The following ZHX3 variants were observed in gnomAD, a reference collection of about 807,000 sequenced individuals.
ZHX3 encodes zinc fingers and homeoboxes 3.
In ZHX3, 20 loss-of-function variants were observed where a neutral mutation model predicts 64.5. That is an observed-to-expected ratio of 0.31 (90% CI 0.22 to 0.45). ZHX3 has a LOEUF of 0.45. ZHX3 is among the 20% of genes least tolerant of loss of function. The pLI is 1.00. For synonymous variants in ZHX3, 423 were observed against 461.6 expected, an observed-to-expected ratio of 0.92 and a Z score of 1.07; for missense variants, 1,041 against 1,195.8, an observed-to-expected ratio of 0.87 and a Z score of 1.91.
intron 3 of ZHX3, among the ~76,000 whole-genome samples, chr20:41,194,750 G>GT (rs2037340770): frequency 6.6e-6 from 1 of 151,974 alleles, no homozygotes; most frequent in African/African-American, 2.4e-5. Context: ...ATATATTTTG[G>GT]TTTTTTATTT....
intron 2 of ZHX3, among the ~76,000 whole-genome samples, chr20:41,238,371 G>C (rs1162087645): frequency 6.6e-6 from 1 of 152,040 alleles, no homozygotes; most frequent in East Asian, 1.9e-4. Context: ...GGTAATAACA[G>C]AGACTAAGAG....
chr20:41,202,259 T>G lies in ZHX3; in HGVS notation c.2658A>C (p.Lys886Asn), dbSNP rs34229622. Residue 886 changes from lysine to asparagine, a missense_variant, in exon 3 of 4, where the codon AAA becomes AAC. By Grantham distance (94) the Lys-to-Asn change is moderately conservative (BLOSUM62 0). Around this residue, in one of 4 missense-constraint regions of ZHX3, gnomAD observed 649 missense variants for 739.8 expected, o/e 0.88. Coordinates refer to ENST00000683867, the MANE Select transcript of ZHX3 (RefSeq NM_001384317.1). This position sits in a 1 kb window ranked among gnomAD's most constrained non-coding sequence, Gnocchi z 7.0. ...SQQVKQWFAE[K>N]MGEETRAVAD... ...CCACGGCTCTGGTCTCCTCCCCCAT[T>G]TTCTCAGCAAACCACTGCTTGACCT... is the stretch of plus-strand genomic sequence containing the variant. 12 of 1,614,092 alleles carry G rather than the reference T, an allele frequency of 7.4e-6. No homozygotes were observed. The highest frequency in any genetic ancestry group is 1.0e-5 in the Non-Finnish European group (12 of 1,179,990).
chr20:41,270,969 G>A (rs538517515), intron 1 of ZHX3, among the ~76,000 whole-genome samples: 12 of 152,270 alleles, frequency 7.9e-5, no homozygotes, highest in Non-Finnish European at 1.3e-4. Context: ...TTGAGGCCAG[G>A]AGTTCAAGAC....
chr20:41,296,762 T>C (rs2044550619), intron 1 of ZHX3, among the ~76,000 whole-genome samples: 1 of 152,160 alleles, frequency 6.6e-6, no homozygotes, highest in Non-Finnish European at 1.5e-5. Context: ...CAGAAAGAGA[T>C]CGGGGGAGGA....
intron 2 of ZHX3, among the ~76,000 whole-genome samples, chr20:41,266,609 G>A (rs1439306725): frequency 2.0e-5 from 3 of 149,248 alleles, no homozygotes; most frequent in Non-Finnish European, 4.4e-5. Flanking sequence ...GCAGTGGTGC[G>A]ATCTCGGCTC....
chr20:41,180,346 G>C lies in ZHX3; in HGVS notation c.*4845C>G, dbSNP rs369778715. On this transcript the variant is annotated 3_prime_UTR_variant, in exon 4 of 4. Coordinates refer to ENST00000683867, the MANE Select transcript of ZHX3 (RefSeq NM_001384317.1). ...AAAGATAGAACTTTCAGAAATTGAG[G>C]AAGGGGGTGCTTTCCCCTGTCCTTG... 1 of 152,554 alleles carries C rather than the reference G, an allele frequency of 6.6e-6. No individual in the cohort carries two copies. The highest frequency in any genetic ancestry group is 1.5e-5 in the Non-Finnish European group (1 of 68,086). 9.5% of individuals were successfully genotyped at this position (152,554 alleles called of 1,614,324 possible). A position where few individuals can be genotyped will look rare whatever the true frequency, so the allele number is the denominator to read the frequency against.
chr20:41,187,582 C>T (rs112723499), intron 3 of ZHX3, among the ~76,000 whole-genome samples: 9 of 152,176 alleles, frequency 5.9e-5, no homozygotes, highest in African/African-American at 1.9e-4. Context: ...ATCAATTGAC[C>T]ATTACGTGGG....
chr20:41,275,816 G>A (rs1453474404), intron 1 of ZHX3, among the ~76,000 whole-genome samples: 1 of 152,178 alleles, frequency 6.6e-6, no homozygotes, highest in Non-Finnish European at 1.5e-5. Flanking sequence ...CTAACTGAAT[G>A]ACTGTACTTC....
chr20:41,198,692 G>A (rs1473939829), intron 3 of ZHX3, among the ~76,000 whole-genome samples: 2 of 150,286 alleles, frequency 1.3e-5, no homozygotes, highest in African/African-American at 4.9e-5. Flanking sequence ...CATCCTGCTT[G>A]GATTTTATTG....
At chr20:41,271,219 C>T (rs2043133030) in intron 1 of ZHX3, among the ~76,000 whole-genome samples, 1 of 152,142 alleles carries the variant, frequency 6.6e-6, no homozygotes, top group Non-Finnish European at 1.5e-5. Context: ...CGGGGTTTCA[C>T]CATGTTGGCC....
chr20:41,236,381 C>T (rs1214387059), intron 2 of ZHX3, among the ~76,000 whole-genome samples: 2 of 152,162 alleles, frequency 1.3e-5, no homozygotes, highest in Non-Finnish European at 2.9e-5. Context: ...TACTACAAGG[C>T]TACAGTAACC....
At chr20:41,207,111 G>T (rs2146260221) in intron 2 of ZHX3, among the ~76,000 whole-genome samples, 1 of 152,274 alleles carries the variant, frequency 6.6e-6, no homozygotes, top group East Asian at 1.9e-4. Context: ...GAGAGATTTT[G>T]TCACCACCAG....
At chr20:41,214,034 C>T (rs945469689) in intron 2 of ZHX3, 2 of 152,134 alleles carry the variant, frequency 1.3e-5, no homozygotes, top group Non-Finnish European at 2.9e-5. Flanking sequence ...AGGATCATGC[C>T]ACTGCACTCC....
At chr20:41,301,862 G>C (rs896508720) in intron 1 of ZHX3, among the ~76,000 whole-genome samples, 3 of 151,580 alleles carry the variant, frequency 2.0e-5, no homozygotes, top group Non-Finnish European at 2.9e-5. Context: ...AGACCATCCC[G>C]GCTAAAACGG....
intron 1 of ZHX3, among the ~76,000 whole-genome samples, chr20:41,270,173 C>G (rs1327277489): frequency 6.6e-6 from 1 of 151,032 alleles, no homozygotes; most frequent in Non-Finnish European, 1.5e-5. Context: ...GGGCGGATCA[C>G]GAAGTCAAGA....
chr20:41,304,656 A>AT (rs2044922441), intron 1 of ZHX3, among the ~76,000 whole-genome samples: 1 of 152,192 alleles, frequency 6.6e-6, no homozygotes, highest in Non-Finnish European at 1.5e-5. Flanking sequence ...TGGCTCACGC[A>AT]ATTGTAGGGC....
intron 1 of ZHX3, among the ~76,000 whole-genome samples, chr20:41,292,575 A>C (rs1163714950): frequency 2.0e-5 from 3 of 152,236 alleles, no homozygotes; most frequent in Admixed American, 2.0e-4. Context: ...GTGTTTCTAC[A>C]GAACTCACTT....
chr20:41,287,897 G>A (rs765176729), intron 1 of ZHX3, among the ~76,000 whole-genome samples: 1 of 152,176 alleles, frequency 6.6e-6, no homozygotes, highest in Non-Finnish European at 1.5e-5. Context: ...TGTAGCAATA[G>A]ATAATATACT....
intron 2 of ZHX3, among the ~76,000 whole-genome samples, chr20:41,211,600 C>T (rs1404450771): frequency 6.6e-6 from 1 of 152,156 alleles, no homozygotes; most frequent in African/African-American, 2.4e-5. Context: ...AATGAGCACA[C>T]ATTTGTGCTT....
Sources: allele counts gnomAD v4.1 joint callset (sites outside exome capture counted in the v4.1 genomes callset), GRCh38; gene constraint gnomAD v4.1.1; regional missense constraint gnomAD v4.1.1; non-coding constraint Gnocchi (gnomAD v3.1); transcripts MANE v1.5; gene names NCBI Gene and HGNC (gene_info 2026-07-23, HGNC 2026-07-21).